The following CACNA2D3 variants were observed in gnomAD, a reference collection of about 807,000 sequenced individuals.
The protein encoded by CACNA2D3 is voltage-dependent calcium channel subunit alpha-2/delta-3.
In CACNA2D3, 60 loss-of-function variants were observed where a neutral mutation model predicts 160.6. That is an observed-to-expected ratio of 0.37 (90% CI 0.30 to 0.46). CACNA2D3 has a LOEUF of 0.46. Among genes scored for constraint, CACNA2D3 ranks in the 20% least tolerant of loss-of-function variants. The probability of loss-of-function intolerance (pLI) is 1.00; values close to 1 mark genes in which losing one functional copy is unlikely to be tolerated. For synonymous variants in CACNA2D3, 558 were observed against 492.9 expected (o/e 1.13, Z -1.75); for missense variants, 1,205 against 1,365.0 (o/e 0.88, Z 1.85).
chr3:54,991,062 G>A (rs555539998), intron 31 of CACNA2D3, among the ~76,000 whole-genome samples: 3 of 152,132 alleles, frequency 2.0e-5, no homozygotes, highest in Non-Finnish European at 4.4e-5. Context: ...TGCGTTCGCT[G>A]AGCACCCACC....
chr3:54,364,821 G>T (rs1698801886), intron 3 of CACNA2D3, among the ~76,000 whole-genome samples: 1 of 152,180 alleles, frequency 6.6e-6, no homozygotes, highest in Non-Finnish European at 1.5e-5. Flanking sequence ...TAGCATTTTT[G>T]ACATCAATGA....
intron 18 of CACNA2D3, among the ~76,000 whole-genome samples, chr3:54,878,526 G>T (rs1011831138): frequency 4.3e-4 from 65 of 150,588 alleles, no homozygotes; most frequent in Non-Finnish European, 7.1e-4. Flanking sequence ...ATTTAAAGAT[G>T]ATTCATCTTA....
intron 27 of CACNA2D3, among the ~76,000 whole-genome samples, chr3:54,963,740 C>T (rs909120865): frequency 2.6e-5 from 4 of 152,182 alleles, no homozygotes; most frequent in African/African-American, 9.7e-5. Context: ...GATTTGACTG[C>T]CCTCCCCAGG....
intron 2 of CACNA2D3, among the ~76,000 whole-genome samples, chr3:54,164,421 C>T (rs1368430102): frequency 2.0e-5 from 3 of 152,250 alleles, no homozygotes; most frequent in African/African-American, 7.2e-5. Context: ...CGAGCAGTCA[C>T]AGCTGCCCTG....
At chr3:54,513,973 G>A (rs1359100910) in intron 5 of CACNA2D3, among the ~76,000 whole-genome samples, 3 of 152,154 alleles carry the variant, frequency 2.0e-5, no homozygotes, top group East Asian at 1.9e-4. Context: ...GCACCCAGCC[G>A]TCATGCCTGT....
At chr3:54,566,707 C>G (rs1440022060) in intron 6 of CACNA2D3, among the ~76,000 whole-genome samples, 2 of 152,180 alleles carry the variant, frequency 1.3e-5, no homozygotes, top group Admixed American at 1.3e-4. Context: ...TGTCACCTTT[C>G]TATAGCCGTA....
chr3:54,726,975 G>A (rs1443506560), intron 11 of CACNA2D3, among the ~76,000 whole-genome samples: 1 of 152,138 alleles, frequency 6.6e-6, no homozygotes, highest in African/African-American at 2.4e-5. Context: ...GAGTGAACAG[G>A]CAACCTACAG....
At chr3:54,414,695 A>G (rs60930376) in intron 4 of CACNA2D3, among the ~76,000 whole-genome samples, 5,218 of 151,766 alleles carry the variant, frequency 0.034, 270 homozygotes, top group African/African-American at 0.11. Context: ...TATTGTGACT[A>G]TAAGTCTTAA....
At chr3:54,659,672 CAG>C (rs1263083667) in intron 11 of CACNA2D3, among the ~76,000 whole-genome samples, 1 of 152,134 alleles carries the variant, frequency 6.6e-6, no homozygotes, top group African/African-American at 2.4e-5. Flanking sequence ...GCCACGGGGA[CAG>C]AGAGAGTGAC....
At chr3:54,784,700 G>C (rs754967924) in intron 13 of CACNA2D3, among the ~76,000 whole-genome samples, 1 of 152,180 alleles carries the variant, frequency 6.6e-6, no homozygotes, top group Non-Finnish European at 1.5e-5. Flanking sequence ...TTCCGTAGAA[G>C]AAGATGGGAC....
intron 4 of CACNA2D3, among the ~76,000 whole-genome samples, chr3:54,401,189 G>A (rs1345456729): frequency 6.6e-6 from 1 of 151,962 alleles, no homozygotes; most frequent in Admixed American, 6.6e-5. Flanking sequence ...AAATTACCTA[G>A]TCAACGGAAA....
chr3:54,789,714 G>A, intron 13 of CACNA2D3: 1 of 439,172 alleles, frequency 2.3e-6, no homozygotes, highest in Admixed American at 2.4e-5. Flanking sequence ...TTTAATTCTA[G>A]GTATATGAGT....
intron 35 of CACNA2D3, among the ~76,000 whole-genome samples, chr3:55,071,036 A>G (rs1704792242): frequency 6.6e-6 from 1 of 152,156 alleles, no homozygotes; most frequent in African/African-American, 2.4e-5. Flanking sequence ...GTATACTGTG[A>G]TCATTATGTG....
intron 9 of CACNA2D3, among the ~76,000 whole-genome samples, chr3:54,591,496 C>T (rs1161540366): frequency 6.6e-6 from 1 of 151,316 alleles, no homozygotes; most frequent in Admixed American, 6.6e-5. Context: ...GATAGATGTT[C>T]CATAGAAGCA....
chr3:54,232,832 C>T (rs2084222460), intron 2 of CACNA2D3, among the ~76,000 whole-genome samples: 1 of 152,272 alleles, frequency 6.6e-6, no homozygotes, highest in African/African-American at 2.4e-5. Context: ...AAACTGTGCC[C>T]TTATTGTTTG....
intron 11 of CACNA2D3, among the ~76,000 whole-genome samples, chr3:54,749,578 A>T (rs1476823759): frequency 6.6e-6 from 1 of 152,228 alleles, no homozygotes; most frequent in East Asian, 1.9e-4. Context: ...ACCTGCAAAT[A>T]TAAAATGCTA....
At chr3:54,262,558 A>T (rs1702421660) in intron 2 of CACNA2D3, among the ~76,000 whole-genome samples, 1 of 152,158 alleles carries the variant, frequency 6.6e-6, no homozygotes, top group African/African-American at 2.4e-5. Context: ...TTCAAAAGAG[A>T]TACAGAAAAA....
chr3:54,580,912 G>A lies in CACNA2D3; in HGVS notation c.889-891G>A, dbSNP rs77133608. 1.9e-3 allele frequency among the ~76,000 whole-genome samples: 289 copies of A among 152,300 alleles called. 1 individual carries two copies. The highest frequency in any genetic ancestry group is 6.4e-3 in the East Asian group (33 of 5,168). Reference sequence around the variant, plus strand: ...CAGGGGTCCCAGCATTGGAGGGACTGAAGGAAAAGAGGAGACATGTCAGAG... The same window carrying A: ...CAGGGGTCCCAGCATTGGAGGGACTAAAGGAAAAGAGGAGACATGTCAGAG... On this transcript the variant is annotated intron_variant, in intron 8 of 37. Coordinates refer to ENST00000474759, the MANE Select transcript of CACNA2D3 (RefSeq NM_018398.3).
rs377304842 is a variant in CACNA2D3 at position 54,517,105 on chromosome 3, A to G, written c.544+13451A>G. 1.2e-4 allele frequency among the ~76,000 whole-genome samples: 18 copies of G among 152,304 alleles called. No homozygotes were observed. In the South Asian group the frequency reaches 3.7e-3, roughly 32 times the overall value. ...TTGGGTGGTGGTGATTTGCTTTTCC[A>G]CAAACCACCTTACAGATGAGAAGAC... On this transcript the variant is annotated intron_variant, in intron 5 of 37. Coordinates refer to ENST00000474759, the MANE Select transcript of CACNA2D3 (RefSeq NM_018398.3).
Sources: gnomAD v4.1 joint callset for allele counts (sites outside exome capture counted in the v4.1 genomes callset) on GRCh38, gnomAD v4.1.1 for gene constraint, MANE v1.5 for transcripts, NCBI Gene and HGNC (gene_info 2026-07-23, HGNC 2026-07-21) for gene names.